TSGA10: variants seen among roughly 807,000 people sequenced by gnomAD.
TSGA10 encodes testis specific 10, also known as testis-specific gene 10 protein.
A neutral mutation model predicts 96.6 loss-of-function variants in TSGA10; 43 were observed. That is an observed-to-expected ratio of 0.44 (90% CI 0.35 to 0.57). The LOEUF is 0.57. Ranked by LOEUF, TSGA10 falls within the 20% of genes least tolerant of loss-of-function variation. The pLI is 0.01. For synonymous variants in TSGA10, 229 were observed against 269.9 expected, an observed-to-expected ratio of 0.85 and a Z score of 1.48; for missense variants, 703 against 834.4, an observed-to-expected ratio of 0.84 and a Z score of 1.94.
At chr2:99,064,373 CAA>C (rs1331043280) in intron 16 of TSGA10, among the ~76,000 whole-genome samples, 1 of 152,026 alleles carries the variant, frequency 6.6e-6, no homozygotes, top group Non-Finnish European at 1.5e-5. Context: ...TAATATTGAG[CAA>C]AGAGGGCAAG....
chr2:99,102,136 C>A, intron 10 of TSGA10: 1 of 1,467,202 alleles, frequency 6.8e-7, no homozygotes. Flanking sequence ...GGTTACAAAT[C>A]GATCATGGAG....
chr2:99,141,330 C>G (rs1452415879), intron 1 of TSGA10: 3 of 306,596 alleles, frequency 9.8e-6, no homozygotes, highest in South Asian at 2.6e-5. Context: ...TGGCCCCGCC[C>G]TCACGCTCTG....
chr2:99,065,498 C>G (rs1450788580), intron 15 of TSGA10, among the ~76,000 whole-genome samples: 1 of 152,166 alleles, frequency 6.6e-6, no homozygotes, highest in Non-Finnish European at 1.5e-5. Context: ...GAGCCTCTGA[C>G]CTTTCGTACT....
At chr2:99,049,980 T>C (rs2083219160) in intron 16 of TSGA10, among the ~76,000 whole-genome samples, 1 of 152,112 alleles carries the variant, frequency 6.6e-6, no homozygotes, top group Non-Finnish European at 1.5e-5. Flanking sequence ...ATCAATTATA[T>C]AATATTACAT....
chr2:99,065,171 TA>T (rs771203264), intron 15 of TSGA10, 47 bp from the exon 16 acceptor site: 1 of 1,572,258 alleles, frequency 6.4e-7, no homozygotes, highest in South Asian at 1.2e-5. Flanking sequence ...GAACATATGA[TA>T]AAAATTAAAC....
intron 7 of TSGA10, among the ~76,000 whole-genome samples, chr2:99,108,563 G>A (rs1200708671): frequency 1.3e-5 from 2 of 151,900 alleles, no homozygotes; most frequent in African/African-American, 2.4e-5. Context: ...ATCATTTAAC[G>A]GTTTCTTCAT....
rs2079894608 is a variant in TSGA10 at position 99,020,412 on chromosome 2, A to G, written c.1685T>C (p.Ile562Thr). The G allele has an allele frequency of 6.2e-7, 1 of 1,613,758 alleles. No individual in the cohort carries two copies. Among genetic ancestry groups the G allele is most frequent in the African/African-American group, 1.3e-5 (1 of 74,892 alleles). ...LLRSQMANER[I>T]SMQNLEALLV... Reference sequence around the variant, plus strand: ...CAAAGCTTCTAGATTCTGCATGGAGATTCTCTCATTTGCCATCTGACTCCT... The same window carrying G: ...CAAAGCTTCTAGATTCTGCATGGAGGTTCTCTCATTTGCCATCTGACTCCT... The change falls in exon 18 of 21, where the codon ATC (isoleucine) becomes ACC (threonine). Residue 562 changes from isoleucine to threonine, a missense_variant. By Grantham distance (89) the Ile-to-Thr change is moderately conservative. This residue lies in a region of TSGA10 where 49 missense variants were observed against 96.4 expected (regional missense o/e 0.51). Transcript: ENST00000393483.
intron 17 of TSGA10, among the ~76,000 whole-genome samples, chr2:99,031,564 C>A (rs1405421073): frequency 6.6e-6 from 1 of 152,230 alleles, no homozygotes; most frequent in East Asian, 1.9e-4. Flanking sequence ...ATAAAAACCA[C>A]AAGCCACATA....
At chr2:99,025,932 T>C (rs565976227) in intron 17 of TSGA10, among the ~76,000 whole-genome samples, 59 of 152,344 alleles carry the variant, frequency 3.9e-4, no homozygotes, top group Non-Finnish European at 6.5e-4. Context: ...TCCCTAACAA[T>C]TCCATTGTGA....
At chr2:99,098,153 C>A (rs1574317831) in intron 10 of TSGA10, among the ~76,000 whole-genome samples, 1 of 151,766 alleles carries the variant, frequency 6.6e-6, no homozygotes, top group Admixed American at 6.6e-5. Context: ...GAAAAAAAGG[C>A]CTAGCCGGGC....
chr2:99,102,509 T>C, intron 10 of TSGA10: 1 of 1,614,098 alleles, frequency 6.2e-7, no homozygotes, highest in Non-Finnish European at 8.5e-7. Context: ...GTGACCCGGC[T>C]CCATTTTACT....
At chr2:99,139,076 A>G (rs2093430010) in intron 1 of TSGA10, among the ~76,000 whole-genome samples, 1 of 152,216 alleles carries the variant, frequency 6.6e-6, no homozygotes, top group African/African-American at 2.4e-5. Context: ...CCTGGACAAC[A>G]TAGTGAGTTC....
At chr2:99,007,602 T>G (rs1409689165) in intron 20 of TSGA10, among the ~76,000 whole-genome samples, 1 of 152,094 alleles carries the variant, frequency 6.6e-6, no homozygotes, top group Admixed American at 6.6e-5. Context: ...AAACCACCTA[T>G]ATAAAGCAAA....
At chr2:99,147,356 T>C in intron 1 of TSGA10, 1 of 1,043,450 alleles carries the variant, frequency 9.6e-7, no homozygotes, top group Non-Finnish European at 1.5e-6. Flanking sequence ...TTTCTCCAGA[T>C]TGATTTATCT....
chr2:99,148,549 T>TATGG (rs1395814512), intron 1 of TSGA10, among the ~76,000 whole-genome samples: 1 of 152,220 alleles, frequency 6.6e-6, no homozygotes, highest in Non-Finnish European at 1.5e-5. Flanking sequence ...CAGTCACAAA[T>TATGG]ATGGATAAAC....
At chr2:99,144,339 T>A (rs1365867268) in intron 1 of TSGA10, among the ~76,000 whole-genome samples, 1 of 151,906 alleles carries the variant, frequency 6.6e-6, no homozygotes. Context: ...GTTTTTTAAA[T>A]CAGAGAGTTT....
At position 99,088,476 on chromosome 2, in the gene TSGA10, C is replaced by T. The variant is rs189630996; in HGVS notation, c.612-7079G>A. 1.2e-4 allele frequency among the ~76,000 whole-genome samples: 18 copies of T among 152,212 alleles called. No individual in the cohort carries two copies. The East Asian group carries it at 3.5e-3, about 29-fold the overall frequency. On this transcript the variant is annotated intron_variant, in intron 10 of 20. Transcript: ENST00000393483. ...ATCCACTGAGGGTCTTGGGACATAT[C>T]CCCCCTCGATAAGAGGGGACTACTA...
chr2:99,033,771 C>T (rs2081353306), intron 17 of TSGA10, among the ~76,000 whole-genome samples: 1 of 152,014 alleles, frequency 6.6e-6, no homozygotes, highest in South Asian at 2.1e-4. Flanking sequence ...ACCCGGGAGG[C>T]GGAGGCTGCA....
At chr2:99,053,191 A>C (rs531618171) in intron 16 of TSGA10, among the ~76,000 whole-genome samples, 1 of 152,340 alleles carries the variant, frequency 6.6e-6, no homozygotes, top group African/African-American at 2.4e-5. Context: ...AACTACCACC[A>C]ATCCTCAAAT....
Sources: gnomAD v4.1 joint callset for allele counts (sites outside exome capture counted in the v4.1 genomes callset) on GRCh38, gnomAD v4.1.1 for gene constraint, gnomAD v4.1.1 regional missense constraint, MANE v1.5 for transcripts, NCBI Gene and HGNC (gene_info 2026-07-23, HGNC 2026-07-21) for gene names.